Variants in TACC2 observed in about 807,000 individuals in gnomAD.
TACC2 encodes transforming acidic coiled-coil-containing protein 2.
A neutral mutation model predicts 227.3 loss-of-function variants in TACC2; 137 were observed. That is an observed-to-expected ratio of 0.60 (90% CI 0.52 to 0.69). TACC2 has a LOEUF of 0.69. TACC2 is among the 30% of genes least tolerant of loss of function. TACC2 has a pLI of 0.00. For missense variants in TACC2, 3,470 were observed against 3,694.4 expected, an observed-to-expected ratio of 0.94 and a Z score of 1.57; for synonymous variants, 1,523 against 1,487.5, an observed-to-expected ratio of 1.02 and a Z score of -0.55.
intron 11 of TACC2, among the ~76,000 whole-genome samples, chr10:122,222,703 C>T (rs1346211236): frequency 1.3e-5 from 2 of 152,144 alleles, no homozygotes; most frequent in Admixed American, 6.5e-5. Flanking sequence ...TTTAGTGAGG[C>T]GAGCTGGTTA....
intron 9 of TACC2, among the ~76,000 whole-genome samples, chr10:122,212,429 C>T (rs2095314720): frequency 6.6e-6 from 1 of 152,132 alleles, no homozygotes; most frequent in African/African-American, 2.4e-5. Flanking sequence ...GTACATCGTG[C>T]TTAAATATCA....
In TACC2 at chr10:122,216,520, T is replaced by C. The variant is rs1163304960; in HGVS notation, c.7345-107T>C. On this transcript the variant is annotated intron_variant, in intron 10 of 22. Coordinates refer to ENST00000369005, the MANE Select transcript of TACC2 (RefSeq NM_206862.4). ...GAGTCTGAGAAGAGCATGCAGAGGA[T>C]TGTGACCGGGACCTGTCCTGGCTAA... The C allele has an allele frequency of 2.8e-6, 3 of 1,078,214 alleles. No homozygotes were observed. The African/African-American group carries it at 4.8e-5, about 17-fold the overall frequency. The allele number at this position is 1,078,214 out of a possible 1,614,324, so 66.8% of individuals were successfully genotyped here.
chr10:122,163,072 C>T (rs748768471), intron 7 of TACC2, among the ~76,000 whole-genome samples: 4 of 152,014 alleles, frequency 2.6e-5, no homozygotes, highest in African/African-American at 7.3e-5. Context: ...TGGAGGCTAG[C>T]CCCGGGCTGG....
At position 122,230,377 on chromosome 10, in the gene TACC2, G is replaced by T. The variant is rs1388437775; in HGVS notation, c.8064G>T (p.Arg2688=). The T allele has an allele frequency of 1.5e-5, 24 of 1,614,074 alleles. No individual in the cohort carries two copies. Among genetic ancestry groups the T allele is most frequent in the Non-Finnish European group, 1.9e-5 (23 of 1,180,050 alleles). The change falls in exon 16 of 23, where the codon CGG becomes CGT. Residue 2688 remains arginine, a synonymous_variant. Coordinates refer to ENST00000369005, the MANE Select transcript of TACC2 (RefSeq NM_206862.4). ...AGGAGTTAGAGTTTGCCATCATGCG[G>T]ATAGAAGCCCTGAAGCTGGCCAGGC... ...LQEELEFAIM[R]IEALKLARQI...
intron 7 of TACC2, chr10:122,163,880 G>T (rs1264737825): frequency 6.5e-7 from 1 of 1,543,316 alleles, no homozygotes; most frequent in Non-Finnish European, 8.7e-7. Flanking sequence ...GCGCCAGGAC[G>T]CTGGCCCCGC....
At chr10:122,066,684 A>G (rs545906637) in intron 3 of TACC2, among the ~76,000 whole-genome samples, 1 of 152,320 alleles carries the variant, frequency 6.6e-6, no homozygotes, top group African/African-American at 2.4e-5. Context: ...ATTATAGGCA[A>G]AAGCCACCGT....
rs1591483832 is a variant in TACC2, at chr10:122,051,893, G to T, written c.146+1343G>T. 3.3e-5 allele frequency: 5 copies of T among 151,458 alleles called. 1 individual carries two copies. The Middle Eastern group carries it at 0.017, about 515-fold the overall frequency. The allele number at this position is 151,458 out of a possible 1,614,324, so 9.4% of individuals were successfully genotyped here. A position where few individuals can be genotyped will look rare whatever the true frequency, so the allele number is the denominator to read the frequency against. Reference sequence around the variant, plus strand: ...ATGTGGCTTTCCAGAGGAAGTACTTGGGGCATCTTGGCAGGAGCTTTGGAT... The same window carrying T: ...ATGTGGCTTTCCAGAGGAAGTACTTTGGGCATCTTGGCAGGAGCTTTGGAT... On this transcript the variant is annotated intron_variant, in intron 3 of 22. Coordinates refer to ENST00000369005, the MANE Select transcript of TACC2 (RefSeq NM_206862.4).
Position 122,227,698 on chromosome 10 carries a change from A to G in TACC2, c.7725-139A>G, listed in dbSNP as rs547759595. On this transcript the variant is annotated intron_variant, in intron 13 of 22. Coordinates refer to ENST00000369005, the MANE Select transcript of TACC2 (RefSeq NM_206862.4). Reference sequence around the variant, plus strand: ...GGTGACTGCCCAGCCTAGAGGCTGCATGGCCACTGGAGACCTGGCTCATAT... The same window carrying G: ...GGTGACTGCCCAGCCTAGAGGCTGCGTGGCCACTGGAGACCTGGCTCATAT... The G allele has an allele frequency of 1.5e-5, 14 of 909,646 alleles. No homozygotes were observed. In the South Asian group the frequency reaches 1.8e-4, roughly 12 times the overall value. 56.3% of individuals were successfully genotyped at this position (909,646 alleles called of 1,614,324 possible).
rs1457499210 is a variant in TACC2 at position 122,141,435 on chromosome 10, A to C, written c.5700-2137A>C. ...AGCGCAGGAAGGGTGTGGCCATGGC[A>C]GTTGGGACCAACAGAAGGAAGGGAG... On this transcript the variant is annotated intron_variant, in intron 6 of 22. Coordinates refer to ENST00000369005, the MANE Select transcript of TACC2 (RefSeq NM_206862.4). The surrounding 1 kb of genome is among the most constrained non-coding windows in gnomAD (Gnocchi z 4.3). 6.6e-6 allele frequency among the ~76,000 whole-genome samples: 1 copy of C among 152,162 alleles called. No individual in the cohort carries two copies. The highest frequency in any genetic ancestry group is 6.5e-5 in the Admixed American group (1 of 15,270).
At position 122,211,372 on chromosome 10, in the gene TACC2, C is replaced by T. The variant is rs1301866447; in HGVS notation, c.6947C>T (p.Ala2316Val). The T allele has an allele frequency of 6.2e-7, 1 of 1,613,878 alleles. No homozygotes were observed. The highest frequency in any genetic ancestry group is 1.3e-5 in the African/African-American group (1 of 74,874). The change falls in exon 9 of 23, where the codon GCC (alanine) becomes GTC (valine). Residue 2316 changes from alanine to valine, a missense_variant. By Grantham distance (64) the Ala-to-Val change is moderately conservative. Transcript: ENST00000369005. ...CCCGAGAAACTTGACAACACTCCTG[C>T]CTCACCTCCCAGATCCCCTGCTGAA... ...KTPEKLDNTP[A>V]SPPRSPAEPN...
chr10:122,063,008 G>C (rs2077004894), intron 3 of TACC2, among the ~76,000 whole-genome samples: 1 of 152,148 alleles, frequency 6.6e-6, no homozygotes, highest in Non-Finnish European at 1.5e-5. Context: ...TGGCAGGGCG[G>C]GGACTAGAAC....
At chr10:122,218,286 G>T (rs1352060652) in intron 11 of TACC2, among the ~76,000 whole-genome samples, 4 of 152,186 alleles carry the variant, frequency 2.6e-5, no homozygotes, top group African/African-American at 9.7e-5. Context: ...TCACTGTGAA[G>T]AAGATCACAT....
rs1488422146 is a variant in TACC2 at position 122,211,288 on chromosome 10, A to G, written c.6863A>G (p.Lys2288Arg). ...CAGGAAAACCCCCCTCCTACCAAAA[A>G]GATAGGCAAAAAGCCAGTTGCCAAA... is the stretch of plus-strand genomic sequence containing the variant. ...NQQENPPPTKKIGKKPVAKMP... is the reference protein window; with the variant it reads ...NQQENPPPTKRIGKKPVAKMP... Residue 2288 changes from lysine (K) to arginine (R), a missense_variant, in exon 9 of 23, where the codon AAG becomes AGG. Around this residue, in one of 10 missense-constraint regions of TACC2, gnomAD observed 593 missense variants for 636.6 expected, o/e 0.93. Transcript: ENST00000369005. 2 of 1,614,118 alleles carry G rather than the reference A, an allele frequency of 1.2e-6. No homozygotes were observed. The highest frequency in any genetic ancestry group is 1.7e-6 in the Non-Finnish European group (2 of 1,180,028).
chr10:122,123,619 T>C lies in TACC2; in HGVS notation c.5574-8990T>C, dbSNP rs116728018. 1.2e-3 allele frequency among the ~76,000 whole-genome samples: 177 copies of C among 152,234 alleles called. 1 individual carries two copies. The highest frequency in any genetic ancestry group is 4.1e-3 in the African/African-American group (171 of 41,536). On this transcript the variant is annotated intron_variant, in intron 5 of 22. Transcript: ENST00000369005. The stretch of plus-strand genomic sequence containing the variant: ...AGTTCGGTCATGCCCAGCCTAGAAC[T>C]GGCCATGAAAATGCAGATCTTGGAA...
At chr10:122,251,707 G>A (rs931619862) in intron 22 of TACC2, among the ~76,000 whole-genome samples, 10 of 152,108 alleles carry the variant, frequency 6.6e-5, no homozygotes, top group African/African-American at 1.7e-4. Context: ...GCAAGACCCC[G>A]TCTCTAAAAT....
chr10:122,058,945 T>G (rs1215640442), intron 3 of TACC2, among the ~76,000 whole-genome samples: 2 of 148,120 alleles, frequency 1.4e-5, no homozygotes, highest in Non-Finnish European at 3.0e-5. Context: ...CATGATGGAG[T>G]GCAGTGGCGC....
chr10:122,192,983 C>G (rs930660775), intron 7 of TACC2, among the ~76,000 whole-genome samples: 2 of 152,204 alleles, frequency 1.3e-5, no homozygotes, highest in African/African-American at 4.8e-5. Flanking sequence ...CACCGATAAA[C>G]AGATGCTTCA....
chr10:122,162,652 G>A (rs1401795626), intron 7 of TACC2, among the ~76,000 whole-genome samples: 1 of 152,228 alleles, frequency 6.6e-6, no homozygotes, highest in Non-Finnish European at 1.5e-5. Context: ...AGGATCTCAA[G>A]TCTTGAGGGT....
rs966395745 is a variant in TACC2, at chr10:122,220,054, A to G, written c.7546+3226A>G. On this transcript the variant is annotated intron_variant, in intron 11 of 22. Coordinates refer to ENST00000369005, the MANE Select transcript of TACC2 (RefSeq NM_206862.4). ...CTCTGTCTCCAAAAAAAAAAAAAGA[A>G]AAAAGAAAGAAGCCAACTTGAGCTG... is the stretch of plus-strand genomic sequence containing the variant. Among the ~76,000 whole-genome samples, 33 of 151,970 alleles carry G rather than the reference A, an allele frequency of 2.2e-4. 1 individual carries two copies. Among genetic ancestry groups the G allele is most frequent in the Admixed American group, 2.0e-4 (3 of 15,256 alleles).
Sources: allele counts gnomAD v4.1 joint callset (sites outside exome capture counted in the v4.1 genomes callset), GRCh38; gene constraint gnomAD v4.1.1; regional missense constraint gnomAD v4.1.1; non-coding constraint Gnocchi (gnomAD v3.1); transcripts MANE v1.5; gene names NCBI Gene and HGNC (gene_info 2026-07-23, HGNC 2026-07-21).